The following LY75 variants were observed in gnomAD, a reference collection of about 807,000 sequenced individuals.
LY75 encodes the protein C-type lectin domain family 13 member B.
A neutral mutation model predicts 231.7 loss-of-function variants in LY75; 185 were observed. That is an observed-to-expected ratio of 0.80 (90% CI 0.71 to 0.90). The LOEUF (loss-of-function observed/expected upper bound fraction) is 0.90, where lower values mean the gene tolerates loss of function less well. Among genes scored for constraint, LY75 ranks in the 40% least tolerant of loss-of-function variants. LY75 has a pLI of 0.00. For synonymous variants in LY75, 668 were observed against 689.0 expected (o/e 0.97, Z 0.48); for missense variants, 1,947 against 2,050.2 (o/e 0.95, Z 0.97).
intron 14 of LY75, among the ~76,000 whole-genome samples, chr2:159,863,299 T>C (rs1328163443): frequency 6.6e-6 from 1 of 152,132 alleles, no homozygotes; most frequent in Non-Finnish European, 1.5e-5. Context: ...CTCATTTCAC[T>C]TCCTCTGAAT....
intron 17 of LY75, 55 bp downstream of exon 17, chr2:159,854,849 G>A (rs1684503140): frequency 6.3e-7 from 1 of 1,597,860 alleles, no homozygotes; most frequent in Non-Finnish European, 8.6e-7. Flanking sequence ...TTAACTAAAT[G>A]CATTAGTGAC....
chr2:159,818,298 T>C (rs370636743), intron 29 of LY75, among the ~76,000 whole-genome samples: 28 of 152,288 alleles, frequency 1.8e-4, no homozygotes, highest in South Asian at 8.3e-4. Flanking sequence ...TTGGGCCAGG[T>C]GGCCAGTGAT....
chr2:159,904,511 C>T (rs1053612960), intron 1 of LY75, 78 bp downstream of exon 1: 182 of 1,412,890 alleles, frequency 1.3e-4, no homozygotes, highest in Non-Finnish European at 1.6e-4. Context: ...GGGCGCAGCC[C>T]TGCCCCAGGC....
intron 3 of LY75, among the ~76,000 whole-genome samples, chr2:159,891,468 C>T (rs1685754559): frequency 1.3e-5 from 2 of 152,190 alleles, no homozygotes; most frequent in African/African-American, 2.4e-5. Flanking sequence ...AGGCCCTACA[C>T]TTGTAAATCC....
intron 4 of LY75, among the ~76,000 whole-genome samples, chr2:159,887,328 C>A (rs1329213421): frequency 1.3e-5 from 2 of 150,016 alleles, no homozygotes; most frequent in Admixed American, 1.3e-4. Context: ...AGATAGAAGG[C>A]GGGTGGATCA....
At position 159,881,218 on chromosome 2, in the gene LY75, T is replaced by A; in HGVS notation, c.1269A>T (p.Ile423=). The A allele has an allele frequency of 6.2e-7, 1 of 1,611,142 alleles. No homozygotes were observed. Among genetic ancestry groups the A allele is most frequent in the African/African-American group, 1.3e-5 (1 of 74,918 alleles). The change falls in exon 8 of 35, where the codon ATA becomes ATT. Residue 423 remains isoleucine (I), a synonymous_variant. Transcript: ENST00000263636. Reference sequence around the variant, plus strand: ...TTGGTATGTTTATGTTCTTAAGGCCTATCCACACTTCTTCTTTGATATCTA... The same window carrying A: ...TTGGTATGTTTATGTTCTTAAGGCCAATCCACACTTCTTCTTTGATATCTA... ...HNEDIKEEVW[I]GLKNINIPTL...
chr2:159,866,102 G>A (rs562436842), intron 13 of LY75, among the ~76,000 whole-genome samples: 1 of 152,194 alleles, frequency 6.6e-6, no homozygotes, highest in African/African-American at 2.4e-5. Context: ...TAATATGCCT[G>A]TAAGTGTAAT....
rs1432755768 is a variant in LY75 at position 159,840,974 on chromosome 2, A to C, written c.3281-19T>G. ...TTAACTTCTGCATGTAAAAGAAAAC[A>C]ACAACAACAACAAACCCTTCCCCAC... is the stretch of plus-strand genomic sequence containing the variant. On this transcript the variant is annotated intron_variant, in intron 24 of 34. Coordinates refer to ENST00000263636, the MANE Select transcript of LY75 (RefSeq NM_002349.4). 3 of 1,609,974 alleles carry C rather than the reference A, an allele frequency of 1.9e-6. No homozygotes were observed. The highest frequency in any genetic ancestry group is 2.5e-6 in the Non-Finnish European group (3 of 1,179,142).
At chr2:159,821,511 A>AAGGCTGAGGCTGG (rs1683287244) in intron 28 of LY75, among the ~76,000 whole-genome samples, 1 of 151,742 alleles carries the variant, frequency 6.6e-6, no homozygotes, top group Non-Finnish European at 1.5e-5. Context: ...AGGTACTCAG[A>AAGGCTGAGGCTGG]AGGCTGAGGC....
At chr2:159,891,739 G>T (rs950460484) in intron 3 of LY75, among the ~76,000 whole-genome samples, 11 of 152,272 alleles carry the variant, frequency 7.2e-5, no homozygotes, top group Non-Finnish European at 8.8e-5. Flanking sequence ...TGTACAGTGG[G>T]GAAGGAGGAT....
rs1684456448 is a variant in LY75 at position 159,853,276 on chromosome 2, T to A, written c.2740A>T (p.Ile914Phe). The A allele has an allele frequency of 6.2e-7, 1 of 1,611,396 alleles. No individual in the cohort carries two copies. Among genetic ancestry groups the A allele is most frequent in the Non-Finnish European group, 8.5e-7 (1 of 1,178,042 alleles). Reference protein sequence around the residue: ...CLYMSAKTWLIDLGKPTDCST... With the variant: ...CLYMSAKTWLFDLGKPTDCST... ...AAGGATTTAGAATTAACTTTACCGATAAGCCAAGTCTTGGCAGACATGTAC... is the reference window on the plus strand; with the variant it reads ...AAGGATTTAGAATTAACTTTACCGAAAAGCCAAGTCTTGGCAGACATGTAC... Residue 914 changes from isoleucine (I) to phenylalanine (F), a missense_variant, in exon 20 of 35, where the codon ATC (isoleucine) becomes TTC (phenylalanine). Physicochemically the swap from Ile to Phe is conservative, Grantham distance 21 (BLOSUM62 0). Coordinates refer to ENST00000263636, the MANE Select transcript of LY75 (RefSeq NM_002349.4).
Position 159,893,904 on chromosome 2 carries a change from C to G in LY75, c.637+10G>C. The G allele has an allele frequency of 6.2e-7, 1 of 1,600,864 alleles. No homozygotes were observed. Among genetic ancestry groups the G allele is most frequent in the Non-Finnish European group, 8.5e-7 (1 of 1,173,788 alleles). On this transcript the variant is annotated intron_variant, in intron 3 of 34. Transcript: ENST00000263636. ...ACCTTTCCACATAAAATTTACCAGC[C>G]CATACATACCAGGCTTTAAGCAGAT...
intron 28 of LY75, among the ~76,000 whole-genome samples, chr2:159,828,811 T>C (rs1683560607): frequency 6.6e-6 from 1 of 152,158 alleles, no homozygotes; most frequent in Non-Finnish European, 1.5e-5. Context: ...TTTTATTCAG[T>C]CATAAAAAGG....
At chr2:159,859,147 C>G (rs912225861) in intron 15 of LY75, among the ~76,000 whole-genome samples, 3 of 152,180 alleles carry the variant, frequency 2.0e-5, no homozygotes, top group Admixed American at 6.5e-5. Flanking sequence ...CTCTATTTCC[C>G]TAGAACACAG....
At chr2:159,876,273 A>G (rs1275524462) in intron 11 of LY75, among the ~76,000 whole-genome samples, 4 of 152,208 alleles carry the variant, frequency 2.6e-5, no homozygotes, top group Admixed American at 2.0e-4. Flanking sequence ...GAGTTAGTGA[A>G]TGGTAGAGTT....
chr2:159,875,237 G>C (rs908540930), intron 12 of LY75, among the ~76,000 whole-genome samples: 3 of 151,836 alleles, frequency 2.0e-5, no homozygotes, highest in Non-Finnish European at 4.4e-5. Context: ...CTTTGGGCCT[G>C]CCCTTTCAGG....
At chr2:159,850,789 T>TATATATATATATATAA (rs796940571) in intron 21 of LY75, among the ~76,000 whole-genome samples, 10 of 88,658 alleles carry the variant, frequency 1.1e-4, no homozygotes, top group East Asian at 2.4e-4. Context: ...TATATATATA[T>TATATATATATATATAA]ATATATATAT....
Position 159,841,130 on chromosome 2 carries a change from T to C in LY75, c.3281-175A>G, listed in dbSNP as rs369347987. ...GTCTTGCTGTATACCTTAAGGAAAATGTGTGAGCTGCAACATTTGTTTTCT... is the reference window on the plus strand; with the variant it reads ...GTCTTGCTGTATACCTTAAGGAAAACGTGTGAGCTGCAACATTTGTTTTCT... On this transcript the variant is annotated intron_variant, in intron 24 of 34. Transcript: ENST00000263636. Among the ~76,000 whole-genome samples, 23 of 152,316 alleles carry C rather than the reference T, an allele frequency of 1.5e-4. No individual in the cohort carries two copies. The East Asian group carries it at 4.0e-3, about 27-fold the overall frequency.
rs1683666845 is a variant in LY75 at position 159,831,745 on chromosome 2, TCTC to T, written c.3880_3882del (p.Glu1294del). The T allele has an allele frequency of 6.2e-7, 1 of 1,612,422 alleles. No homozygotes were observed. On this transcript the variant is annotated inframe_deletion, in exon 28 of 35. Transcript: ENST00000263636. ...AGCAGTTGCTCAAGAACAAAGTTAT[TCTC>T]CTTTTCATCTCGAATACTCAGAATA... is the stretch of plus-strand genomic sequence containing the variant.
Sources: gnomAD v4.1 joint callset for allele counts (sites outside exome capture counted in the v4.1 genomes callset) on GRCh38, gnomAD v4.1.1 for gene constraint, MANE v1.5 for transcripts, NCBI Gene and HGNC (gene_info 2026-07-23, HGNC 2026-07-21) for gene names.